Variants in RBPMS observed in about 807,000 individuals in gnomAD.
The protein encoded by RBPMS is RNA-binding protein with multiple splicing.
RBPMS carries 7 observed loss-of-function variants against 26.8 expected under a neutral mutation model. The ratio of observed to expected loss-of-function variants is 0.26; its 90% confidence interval spans 0.15 to 0.49. RBPMS has a LOEUF of 0.49. Ranked by LOEUF, RBPMS falls within the 20% of genes least tolerant of loss-of-function variation. RBPMS has a pLI of 0.98. For missense variants in RBPMS, 186 were observed against 250.0 expected (o/e 0.74, Z 1.73); for synonymous variants, 96 against 93.3 (o/e 1.03, Z -0.17).
chr8:30,460,149 G>A (rs1456105883), intron 1 of RBPMS, among the ~76,000 whole-genome samples: 1 of 152,184 alleles, frequency 6.6e-6, no homozygotes, highest in Non-Finnish European at 1.5e-5. Flanking sequence ...TAGCCTAAAT[G>A]TACTGAATGT....
At chr8:30,530,123 T>C (rs928710392) in intron 5 of RBPMS, among the ~76,000 whole-genome samples, 37 of 152,196 alleles carry the variant, frequency 2.4e-4, no homozygotes, top group African/African-American at 8.9e-4. Flanking sequence ...GGTTTATCCA[T>C]TCATTTGTTG....
intron 6 of RBPMS, chr8:30,547,225 A>T: frequency 1.9e-6 from 2 of 1,059,828 alleles, no homozygotes; most frequent in Non-Finnish European, 2.8e-6. Flanking sequence ...GAGAGGCTTT[A>T]AATAATTTTG....
At chr8:30,466,011 C>T (rs533176361) in intron 1 of RBPMS, among the ~76,000 whole-genome samples, 47 of 152,264 alleles carry the variant, frequency 3.1e-4, no homozygotes, top group African/African-American at 1.1e-3. Context: ...CACCTGTGCT[C>T]CCATTAGTCT....
At position 30,419,213 on chromosome 8, in the gene RBPMS, T is replaced by TGGTG. The variant is rs781609275; in HGVS notation, c.66+34061_66+34064dup. 2.0e-5 allele frequency among the ~76,000 whole-genome samples: 3 copies of TGGTG among 152,042 alleles called. No homozygotes were observed. In the East Asian group the frequency reaches 5.8e-4, roughly 29 times the overall value. ...ATAATCCTAGCACTTTGGGAAGCTG[T>TGGTG]GGTGGGTGGATTACCTGAGGTTGGG... On this transcript the variant is annotated intron_variant, in intron 1 of 8. Transcript: ENST00000397323.
intron 5 of RBPMS, among the ~76,000 whole-genome samples, chr8:30,542,599 G>A (rs1490586978): frequency 1.3e-5 from 2 of 152,172 alleles, no homozygotes; most frequent in African/African-American, 4.8e-5. Context: ...CTATCACAGT[G>A]GGAACAGACA....
At chr8:30,448,672 C>G (rs1332958945) in intron 1 of RBPMS, among the ~76,000 whole-genome samples, 2 of 152,212 alleles carry the variant, frequency 1.3e-5, no homozygotes, top group African/African-American at 4.8e-5. Context: ...GGACTCATGT[C>G]TTGTTCAAGA....
In RBPMS at chr8:30,558,880, T is replaced by G. The variant is rs1827213064; in HGVS notation, c.529-7T>G. ...CTGGCTCACGGCCTTCTCCCATGTCTTTTCAGATGCGCTGGCTCCCTCCCT... is the reference window on the plus strand; with the variant it reads ...CTGGCTCACGGCCTTCTCCCATGTCGTTTCAGATGCGCTGGCTCCCTCCCT... On this transcript the variant is annotated splice_region_variant and splice_polypyrimidine_tract_variant and intron_variant, in intron 6 of 8. Transcript: ENST00000397323. The G allele has an allele frequency of 2.5e-6, 4 of 1,613,848 alleles. No homozygotes were observed. In the East Asian group the frequency reaches 8.9e-5, roughly 36 times the overall value.
chr8:30,464,904 T>C (rs1816331728), intron 1 of RBPMS, among the ~76,000 whole-genome samples: 1 of 152,216 alleles, frequency 6.6e-6, no homozygotes, highest in Non-Finnish European at 1.5e-5. Context: ...CGTAAGGGCA[T>C]GTACACCTTA....
chr8:30,453,893 T>A (rs1384657138), intron 1 of RBPMS: 1 of 152,220 alleles, frequency 6.6e-6, no homozygotes, highest in Admixed American at 6.5e-5. Flanking sequence ...ATGTGCTTGA[T>A]CAGGAAGTTC....
At chr8:30,498,913 T>G (rs1042337654) in intron 4 of RBPMS, among the ~76,000 whole-genome samples, 40 of 151,984 alleles carry the variant, frequency 2.6e-4, no homozygotes, top group African/African-American at 8.9e-4. Context: ...AAAAATATTT[T>G]AAATATATCT....
intron 1 of RBPMS, among the ~76,000 whole-genome samples, chr8:30,466,271 G>A (rs1702546743): frequency 6.6e-6 from 1 of 152,182 alleles, no homozygotes; most frequent in South Asian, 2.1e-4. Flanking sequence ...AAATAGCCTA[G>A]GTGTGATAGC....
At chr8:30,479,828 G>A (rs948911624) in intron 4 of RBPMS, among the ~76,000 whole-genome samples, 2 of 150,668 alleles carry the variant, frequency 1.3e-5, no homozygotes, top group African/African-American at 2.4e-5. Context: ...AAAAAAACTG[G>A]TTATAGCCTT....
chr8:30,424,708 T>G (rs1811159933), intron 1 of RBPMS, among the ~76,000 whole-genome samples: 1 of 152,182 alleles, frequency 6.6e-6, no homozygotes, highest in African/African-American at 2.4e-5. Context: ...TTACACAGTG[T>G]CTGGTACAGA....
intron 7 of RBPMS, chr8:30,564,122 T>G (rs1747406142): frequency 6.6e-6 from 1 of 152,216 alleles, no homozygotes; most frequent in South Asian, 2.1e-4. Context: ...TGGTGCCTTC[T>G]GCTTCAAGTT....
At chr8:30,546,107 G>A (rs1303067367) in intron 6 of RBPMS, among the ~76,000 whole-genome samples, 2 of 152,180 alleles carry the variant, frequency 1.3e-5, no homozygotes, top group Non-Finnish European at 2.9e-5. Context: ...GTAGCAGGCT[G>A]CGGATAAATA....
intron 1 of RBPMS, among the ~76,000 whole-genome samples, chr8:30,390,697 A>G (rs1485144727): frequency 6.6e-6 from 1 of 152,156 alleles, no homozygotes; most frequent in Non-Finnish European, 1.5e-5. Context: ...TTAGAATTTC[A>G]GTAAAAGTTA....
At chr8:30,539,648 CAG>C (rs1175609458) in intron 5 of RBPMS, among the ~76,000 whole-genome samples, 2 of 144,616 alleles carry the variant, frequency 1.4e-5, no homozygotes, top group African/African-American at 2.6e-5. Flanking sequence ...TTTTTTGAGA[CAG>C]AGTCTCGCTC....
chr8:30,526,886 A>G (rs1287693381), intron 5 of RBPMS, among the ~76,000 whole-genome samples: 1 of 152,186 alleles, frequency 6.6e-6, no homozygotes, highest in Admixed American at 6.5e-5. Flanking sequence ...TCAGCAACAG[A>G]TTTTAAAGGA....
intron 1 of RBPMS, among the ~76,000 whole-genome samples, chr8:30,449,598 T>C (rs903388476): frequency 6.6e-6 from 1 of 152,222 alleles, no homozygotes; most frequent in Admixed American, 6.5e-5. Context: ...CTCAAACTCC[T>C]GACCTCAGGT....
Sources: gnomAD v4.1 joint callset for allele counts (sites outside exome capture counted in the v4.1 genomes callset) on GRCh38, gnomAD v4.1.1 for gene constraint, MANE v1.5 for transcripts, NCBI Gene and HGNC (gene_info 2026-07-23, HGNC 2026-07-21) for gene names.